The following TDRD12 variants were observed in gnomAD, a reference collection of about 807,000 sequenced individuals.
TDRD12 encodes tudor domain containing 12.
Under a neutral mutation model 133.5 loss-of-function variants are expected in TDRD12, and 158 were observed. That is an observed-to-expected ratio of 1.18 (90% confidence interval 1.04 to 1.35). TDRD12 has a LOEUF of 1.35. TDRD12 is among the 40% of genes most tolerant of loss of function. The pLI, the probability that TDRD12 is intolerant of heterozygous loss-of-function variation, is 0.00. For missense variants in TDRD12, 1,443 were observed against 1,321.3 expected (o/e 1.09, Z -1.43); for synonymous variants, 460 against 477.9 (o/e 0.96, Z 0.49).
intron 22 of TDRD12, among the ~76,000 whole-genome samples, chr19:32,809,253 A>G (rs1966916322): frequency 6.6e-6 from 1 of 151,990 alleles, no homozygotes; most frequent in Non-Finnish European, 1.5e-5. Context: ...TGGAGATTTC[A>G]CAGGGGCTCC....
At chr19:32,794,930 G>A in intron 14 of TDRD12, 117 bp downstream of exon 14, 1 of 616,814 alleles carries the variant, frequency 1.6e-6, no homozygotes, top group Non-Finnish European at 2.9e-6. Flanking sequence ...AAACTTCCAG[G>A]CCAGAAACTG....
chr19:32,726,392 ATGT>A (rs1207023330), intron 1 of TDRD12, among the ~76,000 whole-genome samples: 7 of 152,134 alleles, frequency 4.6e-5, no homozygotes, highest in African/African-American at 1.4e-4. Flanking sequence ...TACATTCATA[ATGT>A]TGTGCAACCA....
At chr19:32,791,203 C>T (rs11878874) in intron 13 of TDRD12, 135 bp downstream of exon 13, 493,077 of 995,152 alleles carry the variant, frequency 0.5, 122,517 homozygotes, top group East Asian at 0.61. Flanking sequence ...TTTGAGATTA[C>T]AGGCATGAGC....
intron 8 of TDRD12, among the ~76,000 whole-genome samples, chr19:32,767,701 G>A (rs1970338072): frequency 6.6e-6 from 1 of 152,108 alleles, no homozygotes. Flanking sequence ...AGGTGAAGGG[G>A]GTACAACTCA....
At position 32,772,210 on chromosome 19, in the gene TDRD12, G is replaced by A. The variant is rs780906285; in HGVS notation, c.866-543G>A. The stretch of plus-strand genomic sequence containing the variant: ...GGGACCTCAGCTGGGACTCTTGTCC[G>A]AAATGTCCTGGTATCCTTTCCATGT... On this transcript the variant is annotated intron_variant, in intron 8 of 27. Transcript: ENST00000444215. Among the ~76,000 whole-genome samples, 20 of 152,306 alleles carry A rather than the reference G, an allele frequency of 1.3e-4. 1 individual carries two copies. The highest frequency in any genetic ancestry group is 5.8e-4 in the East Asian group (3 of 5,190).
chr19:32,815,398 T>A, intron 25 of TDRD12, 50 bp from the exon 26 acceptor site: 3 of 1,457,042 alleles, frequency 2.1e-6, no homozygotes, highest in Non-Finnish European at 2.8e-6. Flanking sequence ...ATGCTTCAGT[T>A]AAAATTCAGA....
chr19:32,721,709 T>G (rs1320032179), intron 1 of TDRD12, among the ~76,000 whole-genome samples: 9 of 145,036 alleles, frequency 6.2e-5, no homozygotes, highest in African/African-American at 2.1e-4. Context: ...TTATTTTATT[T>G]TATTTTATTT....
At chr19:32,744,563 G>A (rs151182596) in intron 4 of TDRD12, among the ~76,000 whole-genome samples, 5 of 146,146 alleles carry the variant, frequency 3.4e-5, no homozygotes, top group African/African-American at 7.6e-5. Flanking sequence ...ATACACAGAC[G>A]TAGAGGCATA....
intron 1 of TDRD12, among the ~76,000 whole-genome samples, chr19:32,730,508 G>C (rs1264391841): frequency 1.3e-5 from 2 of 152,042 alleles, no homozygotes; most frequent in Non-Finnish European, 2.9e-5. Flanking sequence ...TTACCCACAG[G>C]TGATATAGAA....
At chr19:32,751,495 T>C (rs1034661979) in intron 6 of TDRD12, among the ~76,000 whole-genome samples, 2 of 152,090 alleles carry the variant, frequency 1.3e-5, no homozygotes, top group Non-Finnish European at 1.5e-5. Context: ...GTGAAAGATA[T>C]TACTGTGGTG....
downstream of TDRD12, chr19:32,826,161 G>A (rs1967582621): frequency 1.3e-6 from 2 of 1,535,726 alleles, no homozygotes; most frequent in Non-Finnish European, 1.7e-6. Context: ...CCTCTGAAAA[G>A]GTACGTCCAC....
At chr19:32,733,992 C>T (rs1030451330) in intron 2 of TDRD12, among the ~76,000 whole-genome samples, 4 of 151,440 alleles carry the variant, frequency 2.6e-5, no homozygotes, top group African/African-American at 4.9e-5. Flanking sequence ...CCCGGGTTCA[C>T]GCCGTTCTCC....
intron 7 of TDRD12, 144 bp downstream of exon 7, chr19:32,756,325 C>T (rs2868187): frequency 0.041 from 28,540 of 704,182 alleles, 1,469 homozygotes; most frequent in East Asian, 0.24. Context: ...GAGGCTGTGA[C>T]ACATTGTAAG....
At chr19:32,758,059 T>G (rs1481342676) in intron 8 of TDRD12, among the ~76,000 whole-genome samples, 2 of 152,162 alleles carry the variant, frequency 1.3e-5, no homozygotes, top group Non-Finnish European at 2.9e-5. Flanking sequence ...GCCTGGCCGC[T>G]GGAGGCTCCC....
chr19:32,823,402 T>C (rs919228141), downstream of TDRD12, among the ~76,000 whole-genome samples: 1 of 151,854 alleles, frequency 6.6e-6, no homozygotes, highest in African/African-American at 2.4e-5. Context: ...GGGAGGGGAT[T>C]GTTGTGAAGG....
At chr19:32,745,790 C>CTGTG (rs10692093) in intron 4 of TDRD12, among the ~76,000 whole-genome samples, 1,121 of 94,858 alleles carry the variant, frequency 0.012, 101 homozygotes, top group African/African-American at 0.039. Context: ...TGATGTCATT[C>CTGTG]TGTGTGTGTG....
At chr19:32,728,458 T>A (rs921047766) in intron 1 of TDRD12, among the ~76,000 whole-genome samples, 2 of 152,122 alleles carry the variant, frequency 1.3e-5, no homozygotes, top group Non-Finnish European at 2.9e-5. Flanking sequence ...ATAATTTTCA[T>A]TGTAGTTCTA....
chr19:32,738,960 CT>C lies in TDRD12; in HGVS notation c.291del (p.Phe97LeufsTer15), dbSNP rs1270529223. On this transcript the variant is annotated frameshift_variant, in exon 3 of 28. Transcript: ENST00000444215. LOFTEE classifies it high-confidence loss of function. The stretch of plus-strand genomic sequence containing the variant: ...ACCTGGCAGAATGTTTCCTTGTGGA[CT>C]TTGCCAAGAACATTCCAGTCAAATC... 2 of 1,550,890 alleles carry C rather than the reference CT, an allele frequency of 1.3e-6. No individual in the cohort carries two copies. Among genetic ancestry groups the C allele is most frequent in the Admixed American group, 2.0e-5 (1 of 51,004 alleles).
At chr19:32,756,492 A>G (rs1363866005) in intron 7 of TDRD12, among the ~76,000 whole-genome samples, 1 of 151,862 alleles carries the variant, frequency 6.6e-6, no homozygotes, top group African/African-American at 2.4e-5. Flanking sequence ...GGTTCACACC[A>G]TTCTCCTGCC....
Sources: gnomAD v4.1 joint callset for allele counts (sites outside exome capture counted in the v4.1 genomes callset) on GRCh38, gnomAD v4.1.1 for gene constraint, MANE v1.5 for transcripts, NCBI Gene and HGNC (gene_info 2026-07-23, HGNC 2026-07-21) for gene names.